Variants in VPS25 observed in about 807,000 individuals in gnomAD.
VPS25 encodes vacuolar protein sorting 25 homolog.
In VPS25, 21 loss-of-function variants were observed where a neutral mutation model predicts 30.3. The observed-to-expected ratio is 0.69, with a 90% CI of 0.49 to 1.00. VPS25 has a LOEUF of 1.00. Ranked by LOEUF, VPS25 falls within the 50% of genes least tolerant of loss-of-function variation. The pLI is 0.00. For synonymous variants in VPS25, 101 were observed against 88.1 expected (o/e 1.15, Z -0.82); for missense variants, 156 against 217.2 (o/e 0.72, Z 1.77).
intron 5 of VPS25, 24 bp downstream of exon 5, chr17:42,776,344 A>G (rs769822383): frequency 1.2e-6 from 2 of 1,605,218 alleles, no homozygotes; most frequent in Admixed American, 1.7e-5. Context: ...CTTCCCACTC[A>G]TAGTTAATTT....
Position 42,779,312 on chromosome 17 carries a change from C to G in VPS25, c.*243C>G, listed in dbSNP as rs991265455. ...TTCTCGCCCTACCTCCTTTCCCATC[C>G]TAGACTGTCCTTGAGCCAGGGTCTG... On this transcript the variant is annotated 3_prime_UTR_variant, in exon 6 of 6. Transcript: ENST00000253794. The G allele has an allele frequency of 5.0e-5, 23 of 459,148 alleles. No individual in the cohort carries two copies. Among genetic ancestry groups the G allele is most frequent in the African/African-American group, 3.8e-4 (19 of 50,256 alleles). The allele number at this position is 459,148 out of a possible 1,614,324, so 28.4% of individuals were successfully genotyped here.
rs763751594 is a variant in VPS25, at chr17:42,776,372, T to C, written c.418+52T>C. ...GTTAATTTTTTGTTTTGTTTTGTTT[T>C]GTTTTTCCGATATGGAGTCTTGCTC... is the stretch of plus-strand genomic sequence containing the variant. On this transcript the variant is annotated intron_variant, in intron 5 of 5. Coordinates refer to ENST00000253794, the MANE Select transcript of VPS25 (RefSeq NM_032353.4). 2.6e-6 allele frequency: 4 copies of C among 1,565,580 alleles called. No individual in the cohort carries two copies. In the East Asian group the frequency reaches 6.7e-5, roughly 26 times the overall value.
chr17:42,774,315 C>G, intron 2 of VPS25: 1 of 297,264 alleles, frequency 3.4e-6, no homozygotes, highest in Non-Finnish European at 6.1e-6. Flanking sequence ...TGAAGGAAGG[C>G]AACAGACAGA....
In VPS25 at chr17:42,778,945, C is replaced by T; in HGVS notation, c.419-12C>T. On this transcript the variant is annotated splice_polypyrimidine_tract_variant and intron_variant, in intron 5 of 5. Coordinates refer to ENST00000253794, the MANE Select transcript of VPS25 (RefSeq NM_032353.4). Reference sequence around the variant, plus strand: ...AGGAGCTGATTGTCTCTGCCTATCTCTCCCTGTTCAGAGTTCCACGGGCTG... The same window carrying T: ...AGGAGCTGATTGTCTCTGCCTATCTTTCCCTGTTCAGAGTTCCACGGGCTG... The T allele has an allele frequency of 1.9e-6, 3 of 1,613,100 alleles. No individual in the cohort carries two copies. Among genetic ancestry groups the T allele is most frequent in the Non-Finnish European group, 1.7e-6 (2 of 1,179,242 alleles).
At chr17:42,777,186 T>C (rs1410767691) in intron 5 of VPS25, among the ~76,000 whole-genome samples, 2 of 152,026 alleles carry the variant, frequency 1.3e-5, no homozygotes, top group African/African-American at 2.4e-5. Context: ...GCCACTGCAC[T>C]CCAGCCTGGG....
At chr17:42,778,620 G>A (rs556797168) in intron 5 of VPS25, among the ~76,000 whole-genome samples, 15 of 152,338 alleles carry the variant, frequency 9.8e-5, no homozygotes, top group Middle Eastern at 3.4e-3. Flanking sequence ...CAATGGCTCC[G>A]ATCTCCCTAG....
intron 5 of VPS25, among the ~76,000 whole-genome samples, chr17:42,776,722 G>A (rs1220176010): frequency 1.3e-5 from 2 of 149,516 alleles, no homozygotes; most frequent in Admixed American, 6.7e-5. Context: ...GTGCAGTGGC[G>A]CAGTCTCTGC....
At chr17:42,776,503 C>T (rs1376590205) in intron 5 of VPS25, among the ~76,000 whole-genome samples, 183 bp downstream of exon 5, 2 of 151,070 alleles carry the variant, frequency 1.3e-5, no homozygotes, top group Non-Finnish European at 2.9e-5. Context: ...GCTGGGATTA[C>T]AGGTGTGCGC....
chr17:42,778,980 A>G lies in VPS25; in HGVS notation c.442A>G (p.Thr148Ala), dbSNP rs1381111752. Reference sequence around the variant, plus strand: ...AGAGTTCCACGGGCTGGATGAAGCCACTCTACTGCGGGCTCTGCAGGCCCT... The same window carrying G: ...AGAGTTCCACGGGCTGGATGAAGCCGCTCTACTGCGGGCTCTGCAGGCCCT... ...DEEFHGLDEATLLRALQALQQ... is the reference protein window; with the variant it reads ...DEEFHGLDEAALLRALQALQQ... Residue 148 changes from threonine (T) to alanine (A), a missense_variant, in exon 6 of 6, where the codon ACT becomes GCT. Physicochemically the swap from Thr to Ala is moderately conservative, Grantham distance 58. Transcript: ENST00000253794. 6.2e-7 allele frequency: 1 copy of G among 1,613,944 alleles called. No homozygotes were observed. Among genetic ancestry groups the G allele is most frequent in the East Asian group, 2.2e-5 (1 of 44,866 alleles).
intron 5 of VPS25, among the ~76,000 whole-genome samples, chr17:42,778,725 AGAG>A (rs1321622841): frequency 1.3e-5 from 2 of 152,206 alleles, no homozygotes; most frequent in African/African-American, 4.8e-5. Context: ...GCTGAGTCTG[AGAG>A]GAGAACCAAG....
intron 2 of VPS25, 147 bp from the exon 3 acceptor site, chr17:42,774,499 G>A (rs2054426155): frequency 1.9e-6 from 1 of 537,216 alleles, no homozygotes. Flanking sequence ...TGAATATCCA[G>A]GAAATGCCAA....
At position 42,776,366 on chromosome 17, in the gene VPS25, T is replaced by C. The variant is rs1430014779; in HGVS notation, c.418+46T>C. 1.9e-6 allele frequency: 3 copies of C among 1,585,488 alleles called. No homozygotes were observed. The East Asian group carries it at 6.7e-5, about 35-fold the overall frequency. ...CTCATAGTTAATTTTTTGTTTTGTT[T>C]TGTTTTGTTTTTCCGATATGGAGTC... On this transcript the variant is annotated intron_variant, in intron 5 of 5. Coordinates refer to ENST00000253794, the MANE Select transcript of VPS25 (RefSeq NM_032353.4).
chr17:42,774,003 C>G, intron 2 of VPS25, 125 bp downstream of exon 2: 1 of 1,176,492 alleles, frequency 8.5e-7, no homozygotes, highest in Non-Finnish European at 1.2e-6. Flanking sequence ...CCAAACTGGA[C>G]TTAAAGAGTG....
intron 5 of VPS25, among the ~76,000 whole-genome samples, chr17:42,777,989 C>T (rs959156623): frequency 6.6e-6 from 1 of 152,078 alleles, no homozygotes; most frequent in Non-Finnish European, 1.5e-5. Flanking sequence ...ATGATTTCAG[C>T]ACTGTAGCCT....
In VPS25 at chr17:42,779,292, G is replaced by A. The variant is rs769881206; in HGVS notation, c.*223G>A. The A allele has an allele frequency of 2.0e-5, 10 of 501,560 alleles. No homozygotes were observed. Among genetic ancestry groups the A allele is most frequent in the Admixed American group, 3.2e-5 (1 of 30,894 alleles). 31.1% of individuals were successfully genotyped at this position (501,560 alleles called of 1,614,324 possible). A position where few individuals can be genotyped will look rare whatever the true frequency, so the allele number is the denominator to read the frequency against. ...AGGGAGAAAATATGTGCTTCTTCTC[G>A]CCCTACCTCCTTTCCCATCCTAGAC... is the stretch of plus-strand genomic sequence containing the variant. On this transcript the variant is annotated 3_prime_UTR_variant, in exon 6 of 6. Coordinates refer to ENST00000253794, the MANE Select transcript of VPS25 (RefSeq NM_032353.4).
intron 5 of VPS25, 46 bp from the exon 6 acceptor site, chr17:42,778,911 T>C: frequency 6.3e-7 from 1 of 1,576,932 alleles, no homozygotes; most frequent in Non-Finnish European, 8.7e-7. Context: ...CTCAGAGGCC[T>C]TGGGCCTCAG....
chr17:42,774,722 C>G, intron 3 of VPS25, 23 bp downstream of exon 3: 1 of 1,606,020 alleles, frequency 6.2e-7, no homozygotes. Flanking sequence ...CCCCAGATTC[C>G]TTATTTTTCT....
intron 5 of VPS25, 27 bp from the exon 6 acceptor site, chr17:42,778,930 T>C: frequency 1.2e-6 from 2 of 1,609,042 alleles, no homozygotes; most frequent in Non-Finnish European, 1.7e-6. Context: ...AGGAGCTGAT[T>C]GTCTCTGCCT....
Position 42,779,025 on chromosome 17 carries a change from G to A in VPS25, c.487G>A (p.Glu163Lys), listed in dbSNP as rs765260598. 5 of 1,614,082 alleles carry A rather than the reference G, an allele frequency of 3.1e-6. No homozygotes were observed. Among genetic ancestry groups the A allele is most frequent in the Non-Finnish European group, 4.2e-6 (5 of 1,179,968 alleles). ...LQALQQEHKAEIITVSDGRGV... is the reference protein window; with the variant it reads ...LQALQQEHKAKIITVSDGRGV... ...GGCCCTACAGCAGGAGCACAAGGCC[G>A]AGATCATCACTGTCAGCGATGGCCG... The change falls in exon 6 of 6, where the codon GAG (glutamate) becomes AAG (lysine). Residue 163 changes from glutamate to lysine, a missense_variant. Physicochemically the swap from Glu to Lys is moderately conservative, Grantham distance 56. Coordinates refer to ENST00000253794, the MANE Select transcript of VPS25 (RefSeq NM_032353.4).
Sources: gnomAD v4.1 joint callset for allele counts (sites outside exome capture counted in the v4.1 genomes callset) on GRCh38, gnomAD v4.1.1 for gene constraint, MANE v1.5 for transcripts, NCBI Gene and HGNC (gene_info 2026-07-23, HGNC 2026-07-21) for gene names.